Variants in GPM6B observed in about 807,000 individuals in gnomAD.
The protein encoded by GPM6B is neuronal membrane glycoprotein M6-b.
GPM6B carries 4 observed loss-of-function variants against 27.2 expected under a neutral mutation model. That is an observed-to-expected ratio of 0.15 (90% CI 0.07 to 0.34). GPM6B has a LOEUF of 0.34. GPM6B is among the 10% of genes least tolerant of loss of function. The pLI, the probability that GPM6B is intolerant of heterozygous loss-of-function variation, is 1.00. For missense variants in GPM6B, 183 were observed against 261.9 expected (o/e 0.70, Z 2.08); for synonymous variants, 124 against 103.1 (o/e 1.20, Z -1.23).
chrX:13,884,786 G>C lies in GPM6B; in HGVS notation c.-198+53541C>G, dbSNP rs775751664. Among the ~76,000 whole-genome samples the C allele has an allele frequency of 3.7e-3, 414 of 111,563 alleles. 4 individuals are homozygous for C. Among genetic ancestry groups the C allele is most frequent in the African/African-American group, 0.013 (396 of 30,699 alleles). On this transcript the variant is annotated intron_variant, in intron 1 of 6. Transcript: ENST00000398361. ...CCATAGACATCAGATAATTAAACCT[G>C]GGTTCCTGACCAAGGACTCCAGATA...
intron 2 of GPM6B, among the ~76,000 whole-genome samples, chrX:13,806,806 A>T (rs1357206158): frequency 8.9e-6 from 1 of 112,004 alleles, no homozygotes; most frequent in Non-Finnish European, 1.9e-5. Context: ...GAAATACTTT[A>T]AGCCTCTTAC....
chrX:13,910,477 A>G (rs1945644899), intron 1 of GPM6B, among the ~76,000 whole-genome samples: 1 of 113,247 alleles, frequency 8.8e-6, no homozygotes, highest in Non-Finnish European at 1.9e-5. Context: ...TGAGTACTGT[A>G]TCTTGGCATT....
intron 4 of GPM6B, chrX:13,780,984 T>C: frequency 3.2e-6 from 1 of 312,996 alleles, no homozygotes; most frequent in South Asian, 2.8e-5. Context: ...CACTTTCCCT[T>C]GCACTGCAAG....
chrX:13,785,943 C>T (rs2048605012), intron 2 of GPM6B, 135 bp from the exon 3 acceptor site: 4 of 498,577 alleles, frequency 8.0e-6, no homozygotes, highest in East Asian at 7.5e-5. Context: ...ATTAATACTT[C>T]GACATCCCAA....
chrX:13,804,582 G>A (rs988042520), intron 2 of GPM6B, among the ~76,000 whole-genome samples: 1 of 110,812 alleles, frequency 9.0e-6, no homozygotes, highest in African/African-American at 3.3e-5. Flanking sequence ...ATTCTACTGG[G>A]AAGTAGTAGC....
intron 2 of GPM6B, among the ~76,000 whole-genome samples, chrX:13,804,813 G>A (rs199570791): frequency 2.6e-4 from 26 of 98,478 alleles, no homozygotes; most frequent in Admixed American, 3.4e-4. Flanking sequence ...AAAAAAAAAA[G>A]AAAAAAAAAA....
chrX:13,870,091 G>A (rs975047906), intron 1 of GPM6B, among the ~76,000 whole-genome samples: 46 of 111,870 alleles, frequency 4.1e-4, no homozygotes, highest in Admixed American at 1.0e-3. Flanking sequence ...TCATGATTCA[G>A]CTGGGGTTAT....
chrX:13,870,897 C>T (rs188976694), intron 1 of GPM6B, among the ~76,000 whole-genome samples: 2 of 97,322 alleles, frequency 2.1e-5, no homozygotes, highest in Non-Finnish European at 4.1e-5. Context: ...TAGCAAGACC[C>T]TGTCTCTACA....
intron 1 of GPM6B, among the ~76,000 whole-genome samples, chrX:13,828,584 G>A (rs1249801413): frequency 8.9e-6 from 1 of 112,010 alleles, no homozygotes; most frequent in Non-Finnish European, 1.9e-5. Flanking sequence ...CAAACAAACT[G>A]TGAGTGCCAG....
chrX:13,844,621 T>C (rs2049621818), intron 1 of GPM6B, among the ~76,000 whole-genome samples: 1 of 112,059 alleles, frequency 8.9e-6, no homozygotes, highest in Non-Finnish European at 1.9e-5. Flanking sequence ...CACAAAGACT[T>C]GGAGCCCAAG....
intron 1 of GPM6B, among the ~76,000 whole-genome samples, chrX:13,849,745 T>C (rs2049692104): frequency 1.8e-5 from 2 of 109,178 alleles, no homozygotes; most frequent in African/African-American, 6.7e-5. Context: ...ATATATGTTA[T>C]TTTGGGGGTG....
chrX:13,778,730 CACTT>C (rs772735281), intron 5 of GPM6B, among the ~76,000 whole-genome samples: 31 of 111,869 alleles, frequency 2.8e-4, no homozygotes, highest in African/African-American at 7.5e-4. Context: ...TGTGGCAAAA[CACTT>C]ACTTTTAAGG....
At chrX:13,817,323 C>G (rs1481695490), upstream of GPM6B, 1 of 753,335 alleles carries the variant, frequency 1.3e-6, no homozygotes, top group East Asian at 1.3e-4. Context: ...CTCTCTCTTT[C>G]TCCCCACCTC....
intron 1 of GPM6B, among the ~76,000 whole-genome samples, chrX:13,934,957 G>A (rs746877971): frequency 3.1e-4 from 34 of 111,125 alleles, no homozygotes; most frequent in African/African-American, 8.8e-4. Context: ...TGTTACAAAT[G>A]CAGAAACTCA....
intron 1 of GPM6B, among the ~76,000 whole-genome samples, chrX:13,876,451 C>T (rs2050034104): frequency 8.9e-6 from 1 of 112,384 alleles, no homozygotes. Flanking sequence ...CAAATGTTCT[C>T]TGATGAATAC....
At position 13,904,350 on chromosome X, in the gene GPM6B, A is replaced by C. The variant is rs1489479603; in HGVS notation, c.-198+33977T>G. ...ATGACCAAAGTCACAAGTATTGCTAAGTCACTGGTTTGCTGCCTGTATTCG... is the reference window on the plus strand; with the variant it reads ...ATGACCAAAGTCACAAGTATTGCTACGTCACTGGTTTGCTGCCTGTATTCG... On this transcript the variant is annotated intron_variant, in intron 1 of 6. Transcript: ENST00000398361. 1.8e-5 allele frequency among the ~76,000 whole-genome samples: 2 copies of C among 111,854 alleles called. 1 individual carries two copies. The highest frequency in any genetic ancestry group is 6.5e-5 in the African/African-American group (2 of 30,806).
chrX:13,795,738 TTTTC>T (rs2048799708), intron 2 of GPM6B, among the ~76,000 whole-genome samples: 2 of 93,246 alleles, frequency 2.1e-5, no homozygotes, highest in African/African-American at 8.7e-5. Flanking sequence ...TTCTAATTTC[TTTTC>T]TTTTTTTTTT....
chrX:13,838,104 C>T lies in GPM6B; in HGVS notation c.-197-52296G>A, dbSNP rs780663355. Among the ~76,000 whole-genome samples the T allele has an allele frequency of 5.8e-5, 6 of 104,187 alleles. No individual in the cohort carries two copies. The South Asian group carries it at 2.7e-3, about 47-fold the overall frequency. The allele number at this position is 104,187 out of a possible 115,157, so 90.5% of individuals were successfully genotyped here. A position where few individuals can be genotyped will look rare whatever the true frequency, so the allele number is the denominator to read the frequency against. On this transcript the variant is annotated intron_variant, in intron 1 of 6. Transcript: ENST00000398361. Reference sequence around the variant, plus strand: ...TCTGCCATGCTTATTTATAGGTTTCCTATCTCCACTAGTAAAAAGGAAAAA... The same window carrying T: ...TCTGCCATGCTTATTTATAGGTTTCTTATCTCCACTAGTAAAAAGGAAAAA...
chrX:13,847,579 C>G (rs189353769), intron 1 of GPM6B, among the ~76,000 whole-genome samples: 14 of 111,702 alleles, frequency 1.3e-4, no homozygotes, highest in Admixed American at 6.7e-4. Flanking sequence ...GGCCACTCAG[C>G]TATAAGTGGA....
Sources: gnomAD v4.1 joint callset for allele counts (sites outside exome capture counted in the v4.1 genomes callset) on GRCh38, gnomAD v4.1.1 for gene constraint, MANE v1.5 for transcripts, NCBI Gene and HGNC (gene_info 2026-07-23, HGNC 2026-07-21) for gene names.